The following MYO7B variants were observed in gnomAD, a reference collection of about 807,000 sequenced individuals.
The protein encoded by MYO7B is unconventional myosin-VIIb.
Under a neutral mutation model 259.7 loss-of-function variants are expected in MYO7B, and 212 were observed. The ratio of observed to expected loss-of-function variants is 0.82; its 90% CI spans 0.73 to 0.91. The LOEUF is 0.91. MYO7B is among the 40% of genes least tolerant of loss of function. The pLI, the probability that MYO7B is intolerant of heterozygous loss-of-function variation, is 0.00. For synonymous variants in MYO7B, 1,197 were observed against 1,166.4 expected (o/e 1.03, Z -0.54); for missense variants, 2,732 against 2,813.5 (o/e 0.97, Z 0.66).
chr2:127,632,295 T>C lies in MYO7B; in HGVS notation c.5299T>C (p.Phe1767Leu). The stretch of plus-strand genomic sequence containing the variant: ...GCTGCTGTGGCTGTGCACGGGCCTC[T>C]TCCCGCCCAGCAAGGGGCTGCTGCC... Reference protein sequence around the residue: ...WQLLWLCTGLFPPSKGLLPHA... With the variant: ...WQLLWLCTGLLPPSKGLLPHA... Residue 1767 changes from phenylalanine (F) to leucine (L), a missense_variant, in exon 39 of 48, where the codon TTC (phenylalanine) becomes CTC (leucine). Transcript: ENST00000409816. 1 of 1,611,676 alleles carries C rather than the reference T, an allele frequency of 6.2e-7. No homozygotes were observed. Among genetic ancestry groups the C allele is most frequent in the Admixed American group, 1.7e-5 (1 of 59,882 alleles).
chr2:127,590,082 C>T lies in MYO7B; in HGVS notation c.1855-10C>T, dbSNP rs761449345. On this transcript the variant is annotated splice_polypyrimidine_tract_variant and intron_variant, in intron 15 of 47. Transcript: ENST00000409816. This position sits in a 1 kb window ranked among gnomAD's most constrained non-coding sequence, Gnocchi z 4.6. ...TGAGACCCACTTGTGCTCTGTGCTT[C>T]CATTCACAGTCTGCAGACTCAAATA... The T allele has an allele frequency of 2.6e-6, 4 of 1,566,932 alleles. No individual in the cohort carries two copies. The South Asian group carries it at 3.5e-5, about 14-fold the overall frequency.
At position 127,615,559 on chromosome 2, in the gene MYO7B, A is replaced by G. The variant is rs1680538940; in HGVS notation, c.3398+2956A>G. ...CAGCTGCTTAATTGATCACAGGTTC[A>G]TAGTATTACTAACAGGCTTCAGGTG... is the stretch of plus-strand genomic sequence containing the variant. On this transcript the variant is annotated intron_variant, in intron 26 of 47. Transcript: ENST00000409816. This position sits in a 1 kb window ranked among gnomAD's most constrained non-coding sequence, Gnocchi z 4.4. 6.6e-6 allele frequency among the ~76,000 whole-genome samples: 1 copy of G among 152,120 alleles called. No homozygotes were observed. The highest frequency in any genetic ancestry group is 6.5e-5 in the Admixed American group (1 of 15,270).
chr2:127,582,468 G>A (rs74711761), intron 12 of MYO7B, 22 bp downstream of exon 12: 34,403 of 1,609,854 alleles, frequency 0.021, 598 homozygotes, highest in South Asian at 0.061. Context: ...TCAGATCCCA[G>A]CCCCACTGCT....
At chr2:127,593,050 C>G (rs1263328123) in intron 17 of MYO7B, 104 bp downstream of exon 17, 9 of 1,409,350 alleles carry the variant, frequency 6.4e-6, no homozygotes, top group Non-Finnish European at 7.7e-6. Flanking sequence ...CTGCCCTCCC[C>G]GGCCCCAGCC....
chr2:127,635,588 A>C, intron 43 of MYO7B, 134 bp from the exon 44 acceptor site: 1 of 980,516 alleles, frequency 1.0e-6, no homozygotes, highest in Non-Finnish European at 1.5e-6. Flanking sequence ...CTGGCCTGAA[A>C]CTCTCTACCC....
At chr2:127,540,521 A>G (rs1692964744) in intron 1 of MYO7B, among the ~76,000 whole-genome samples, 1 of 152,186 alleles carries the variant, frequency 6.6e-6, no homozygotes, top group African/African-American at 2.4e-5. Context: ...GGTAGGTTTA[A>G]TTGTAGTTCT....
At chr2:127,544,935 C>T (rs1693162301) in intron 1 of MYO7B, among the ~76,000 whole-genome samples, 1 of 151,724 alleles carries the variant, frequency 6.6e-6, no homozygotes, top group Admixed American at 6.6e-5. Flanking sequence ...CTGTGTTAGC[C>T]AGGATGGTCT....
intron 1 of MYO7B, among the ~76,000 whole-genome samples, chr2:127,548,114 C>G (rs1205832408): frequency 6.6e-6 from 1 of 152,142 alleles, no homozygotes; most frequent in Non-Finnish European, 1.5e-5. Flanking sequence ...CATAATATGT[C>G]TTTACTATCC....
chr2:127,581,811 A>T, intron 10 of MYO7B, 80 bp from the exon 11 acceptor site: 2 of 1,589,096 alleles, frequency 1.3e-6, no homozygotes, highest in Non-Finnish European at 1.7e-6. Flanking sequence ...GAGAGGGAAC[A>T]AGACTTGGCA....
intron 4 of MYO7B, among the ~76,000 whole-genome samples, chr2:127,566,211 A>G (rs1228923082): frequency 2.0e-5 from 3 of 152,142 alleles, no homozygotes; most frequent in African/African-American, 7.2e-5. Context: ...GGGGCTCCAG[A>G]TGGGCAGCTG....
Position 127,632,324 on chromosome 2 carries a change from T to C in MYO7B, c.5328T>C (p.His1776=). ...LFPPSKGLLP[H]AQKFIDTRRG... ...CGCCCAGCAAGGGGCTGCTGCCCCA[T>C]GCCCAGAAGTTTATAGACACTCGGA... The change falls in exon 39 of 48, where the codon CAT becomes CAC. Residue 1776 remains histidine, a synonymous_variant. Transcript: ENST00000409816. 1.2e-6 allele frequency: 2 copies of C among 1,607,774 alleles called. No homozygotes were observed. Among genetic ancestry groups the C allele is most frequent in the East Asian group, 2.2e-5 (1 of 44,804 alleles).
chr2:127,612,444 A>G, intron 25 of MYO7B, 32 bp from the exon 26 acceptor site: 1 of 1,551,378 alleles, frequency 6.4e-7, no homozygotes, highest in East Asian at 2.4e-5. Context: ...GGAGAATCAT[A>G]GCTGTCCTGA....
chr2:127,636,633 C>G lies in MYO7B; in HGVS notation c.6207+5C>G, dbSNP rs1261286203. 1 of 1,611,584 alleles carries G rather than the reference C, an allele frequency of 6.2e-7. No homozygotes were observed. Among genetic ancestry groups the G allele is most frequent in the Non-Finnish European group, 8.5e-7 (1 of 1,178,872 alleles). On this transcript the variant is annotated splice_donor_5th_base_variant and intron_variant, in intron 46 of 47. Transcript: ENST00000409816. This position sits in a 1 kb window ranked among gnomAD's most constrained non-coding sequence, Gnocchi z 4.5. ...CTCATCCACCCCAAGACCAAGGTAG[C>G]TGCTGGGCCTCCGGAGGGGCTGGGG...
chr2:127,576,245 G>A lies in MYO7B; in HGVS notation c.736-350G>A, dbSNP rs929460521. Among the ~76,000 whole-genome samples, 1 of 152,012 alleles carries A rather than the reference G, an allele frequency of 6.6e-6. No individual in the cohort carries two copies. Among genetic ancestry groups the A allele is most frequent in the Non-Finnish European group, 1.5e-5 (1 of 67,988 alleles). On this transcript the variant is annotated intron_variant, in intron 7 of 47. Transcript: ENST00000409816. This position sits in a 1 kb window ranked among gnomAD's most constrained non-coding sequence, Gnocchi z 4.9. Reference sequence around the variant, plus strand: ...GGCCTAGGGAGCCCCGTGGCTGTCAGATCTCTCGTGGGCCACTAAGTGCCT... The same window carrying A: ...GGCCTAGGGAGCCCCGTGGCTGTCAAATCTCTCGTGGGCCACTAAGTGCCT...
intron 26 of MYO7B, among the ~76,000 whole-genome samples, chr2:127,617,486 G>GTTTTTTTT (rs1558838488): frequency 9.3e-6 from 1 of 107,838 alleles, no homozygotes; most frequent in South Asian, 3.2e-4. Context: ...CTTGTAACGG[G>GTTTTTTTT]GTTTTTTTTT....
At chr2:127,608,961 G>T in intron 22 of MYO7B, 83 bp downstream of exon 22, 14 of 1,504,008 alleles carry the variant, frequency 9.3e-6, no homozygotes, top group Non-Finnish European at 1.3e-5. Context: ...CCACCTCTCG[G>T]CTCCCTGAGA....
chr2:127,590,259 G>C lies in MYO7B; in HGVS notation c.1992+30G>C, dbSNP rs775733840. On this transcript the variant is annotated intron_variant, in intron 16 of 47. Transcript: ENST00000409816. The surrounding 1 kb of genome is among the most constrained non-coding windows in gnomAD (Gnocchi z 4.6). ...TGACAGGAGGCTGGGGCACAGCAAA[G>C]GAGGGAGGAGGAGGAGGCTGATGGC... The C allele has an allele frequency of 1.9e-6, 3 of 1,612,192 alleles. No homozygotes were observed. The highest frequency in any genetic ancestry group is 2.2e-5 in the South Asian group (2 of 91,018).
At chr2:127,543,893 T>A (rs2104798103) in intron 1 of MYO7B, among the ~76,000 whole-genome samples, 1 of 152,012 alleles carries the variant, frequency 6.6e-6, no homozygotes, top group African/African-American at 2.4e-5. Context: ...TACAGGCACC[T>A]GCCACCACAC....
chr2:127,605,755 C>A, intron 19 of MYO7B, 89 bp from the exon 20 acceptor site: 1 of 1,130,578 alleles, frequency 8.8e-7, no homozygotes, highest in Middle Eastern at 1.9e-4. Context: ...TTTCACTAAC[C>A]CTGTTCCCTT....
Sources: allele counts gnomAD v4.1 joint callset (sites outside exome capture counted in the v4.1 genomes callset), GRCh38; gene constraint gnomAD v4.1.1; non-coding constraint Gnocchi (gnomAD v3.1); transcripts MANE v1.5; gene names NCBI Gene and HGNC (gene_info 2026-07-23, HGNC 2026-07-21).